Variants in DRAM1 observed in about 807,000 individuals in gnomAD.
DRAM1 encodes DNA damage regulated autophagy modulator 1.
A neutral mutation model predicts 28.5 loss-of-function variants in DRAM1; 25 were observed. That is an observed-to-expected ratio of 0.88 (90% CI 0.64 to 1.23). DRAM1 has a LOEUF of 1.23. Among genes scored for constraint, DRAM1 ranks in the 50% most tolerant of loss-of-function variants. The pLI is 0.00. For synonymous variants in DRAM1, 113 were observed against 114.2 expected (o/e 0.99, Z 0.07); for missense variants, 249 against 299.2 (o/e 0.83, Z 1.24).
chr12:101,877,959 C>A lies in DRAM1; in HGVS notation c.131+39C>A. The A allele has an allele frequency of 1.4e-6, 2 of 1,418,172 alleles. No homozygotes were observed. The highest frequency in any genetic ancestry group is 1.4e-5 in the South Asian group (1 of 68,982). The allele number at this position is 1,418,172 out of a possible 1,614,324, so 87.8% of individuals were successfully genotyped here. A position where few individuals can be genotyped will look rare whatever the true frequency, so the allele number is the denominator to read the frequency against. ...TGGGCGTCAGGGCCCCAGGAGCAGGCACAGGGACCACAGGGAGCGCTGCCG... is the reference window on the plus strand; with the variant it reads ...TGGGCGTCAGGGCCCCAGGAGCAGGAACAGGGACCACAGGGAGCGCTGCCG... On this transcript the variant is annotated intron_variant, in intron 1 of 6. Coordinates refer to ENST00000258534, the MANE Select transcript of DRAM1 (RefSeq NM_018370.3). The surrounding 1 kb of genome is among the most constrained non-coding windows in gnomAD (Gnocchi z 4.1).
chr12:101,912,731 A>AT (rs10530801), intron 4 of DRAM1, among the ~76,000 whole-genome samples: 210 of 128,604 alleles, frequency 1.6e-3, no homozygotes, highest in South Asian at 3.4e-3. Flanking sequence ...TTGGCTCAAC[A>AT]TTTTTTTTTT....
intron 1 of DRAM1, among the ~76,000 whole-genome samples, chr12:101,896,792 C>CT (rs965112322): frequency 1.1e-3 from 153 of 144,828 alleles, no homozygotes; most frequent in African/African-American, 1.5e-3. Context: ...TTTTCTTTTT[C>CT]TTTTTTTTTT....
intron 1 of DRAM1, among the ~76,000 whole-genome samples, chr12:101,879,467 G>A (rs1240053126): frequency 6.6e-6 from 1 of 152,156 alleles, no homozygotes; most frequent in Non-Finnish European, 1.5e-5. Flanking sequence ...TTTCAGTAGA[G>A]ACAAAGTCTC....
At chr12:101,897,207 A>T (rs955846831) in intron 1 of DRAM1, among the ~76,000 whole-genome samples, 4 of 150,336 alleles carry the variant, frequency 2.7e-5, no homozygotes, top group East Asian at 3.9e-4. Flanking sequence ...ATTTATTTTT[A>T]TTTTTTTTTT....
chr12:101,905,992 G>A (rs1004223473), intron 3 of DRAM1, among the ~76,000 whole-genome samples: 8 of 151,920 alleles, frequency 5.3e-5, no homozygotes, highest in Admixed American at 6.6e-5. Context: ...GTTTCACCAC[G>A]TTGGCGAGGC....
At chr12:101,885,747 C>T (rs918176363) in intron 1 of DRAM1, among the ~76,000 whole-genome samples, 10 of 151,962 alleles carry the variant, frequency 6.6e-5, no homozygotes, top group African/African-American at 2.2e-4. Context: ...AGGCTGGTCT[C>T]GAACTCCTGG....
At chr12:101,892,970 G>A (rs1256398589) in intron 1 of DRAM1, among the ~76,000 whole-genome samples, 1 of 152,050 alleles carries the variant, frequency 6.6e-6, no homozygotes, top group East Asian at 1.9e-4. Context: ...CAACACTGTT[G>A]TATTGTACTG....
intron 6 of DRAM1, 45 bp downstream of exon 6, chr12:101,920,246 G>A (rs2121180221): frequency 7.2e-7 from 1 of 1,386,832 alleles, no homozygotes; most frequent in Non-Finnish European, 1.0e-6. Flanking sequence ...GGACAATTAG[G>A]ATTAGTAAAA....
At chr12:101,903,258 A>G (rs1045816384) in intron 3 of DRAM1, among the ~76,000 whole-genome samples, 1 of 152,160 alleles carries the variant, frequency 6.6e-6, no homozygotes, top group Non-Finnish European at 1.5e-5. Flanking sequence ...TGAGAATTTC[A>G]CAGATAATCT....
At chr12:101,893,393 G>A (rs749619050) in intron 1 of DRAM1, among the ~76,000 whole-genome samples, 3 of 152,180 alleles carry the variant, frequency 2.0e-5, no homozygotes, top group Non-Finnish European at 2.9e-5. Flanking sequence ...TTTTCACCAT[G>A]GAAGTTGGCA....
chr12:101,883,395 A>G (rs1407937567), intron 1 of DRAM1, among the ~76,000 whole-genome samples: 1 of 148,994 alleles, frequency 6.7e-6, no homozygotes, highest in Non-Finnish European at 1.5e-5. Context: ...GCTCACCACA[A>G]CCTCCGCCTC....
chr12:101,899,037 G>A (rs1286499866), intron 2 of DRAM1, among the ~76,000 whole-genome samples: 1 of 152,184 alleles, frequency 6.6e-6, no homozygotes, highest in East Asian at 1.9e-4. Flanking sequence ...TTTGCCAAGG[G>A]CCTATCTTGT....
Position 101,882,107 on chromosome 12 carries a change from A to ATTTTTTTTT in DRAM1, c.131+4208_131+4216dup, listed in dbSNP as rs78402038. Among the ~76,000 whole-genome samples, 76 of 129,574 alleles carry ATTTTTTTTT rather than the reference A, an allele frequency of 5.9e-4. 1 individual carries two copies. The highest frequency in any genetic ancestry group is 9.7e-4 in the Non-Finnish European group (58 of 59,692). 85.0% of individuals were successfully genotyped at this position (129,574 alleles called of 152,430 possible). A position where few individuals can be genotyped will look rare whatever the true frequency, so the allele number is the denominator to read the frequency against. ...ATTGTTCAGTCATTCTGATGGTCTAATTTTTTTTTTTTTTTTTTTTTTTTT... is the reference window on the plus strand; with the variant it reads ...ATTGTTCAGTCATTCTGATGGTCTAATTTTTTTTTTTTTTTTTTTTTTTTTTTTTTTTTT... On this transcript the variant is annotated intron_variant, in intron 1 of 6. Coordinates refer to ENST00000258534, the MANE Select transcript of DRAM1 (RefSeq NM_018370.3).
At chr12:101,916,694 C>T (rs1025178922) in intron 5 of DRAM1, among the ~76,000 whole-genome samples, 1 of 152,086 alleles carries the variant, frequency 6.6e-6, no homozygotes, top group African/African-American at 2.4e-5. Context: ...GGAAGAATAC[C>T]TCCAGCAAAG....
intron 1 of DRAM1, among the ~76,000 whole-genome samples, chr12:101,884,657 T>C (rs1023613105): frequency 9.2e-5 from 14 of 152,346 alleles, no homozygotes; most frequent in Admixed American, 2.6e-4. Flanking sequence ...ATTGTGGCCT[T>C]TGGCCACCCA....
intron 1 of DRAM1, among the ~76,000 whole-genome samples, chr12:101,889,307 T>TAGCAC (rs1353012039): frequency 6.6e-6 from 1 of 152,186 alleles, no homozygotes; most frequent in Admixed American, 6.5e-5. Context: ...AAATGTAATA[T>TAGCAC]AGCACAGCAG....
At chr12:101,906,569 T>C (rs4764839) in intron 3 of DRAM1, among the ~76,000 whole-genome samples, 17,151 of 152,168 alleles carry the variant, frequency 0.11, 1,020 homozygotes, top group Middle Eastern at 0.18. Flanking sequence ...TGAAAGGAGC[T>C]GAGGCTGGGT....
chr12:101,907,041 C>CA (rs201711328), intron 3 of DRAM1, among the ~76,000 whole-genome samples: 9,626 of 149,744 alleles, frequency 0.064, 429 homozygotes, highest in Middle Eastern at 0.097. Context: ...AGCTGCCTTT[C>CA]AAAAAAAATT....
At chr12:101,917,318 C>A (rs1874284014) in intron 5 of DRAM1, among the ~76,000 whole-genome samples, 1 of 152,122 alleles carries the variant, frequency 6.6e-6, no homozygotes, top group African/African-American at 2.4e-5. Context: ...AGAACTCTGG[C>A]AGGTAATGGA....
Sources: allele counts gnomAD v4.1 joint callset (sites outside exome capture counted in the v4.1 genomes callset), GRCh38; gene constraint gnomAD v4.1.1; non-coding constraint Gnocchi (gnomAD v3.1); transcripts MANE v1.5; gene names NCBI Gene and HGNC (gene_info 2026-07-23, HGNC 2026-07-21).